Variants in DCUN1D5 observed in about 807,000 individuals in gnomAD.
DCUN1D5 encodes the protein defective in cullin neddylation 1 domain containing 5.
A neutral mutation model predicts 38.3 loss-of-function variants in DCUN1D5; 10 were observed. That is an observed-to-expected ratio of 0.26 (90% CI 0.16 to 0.44). The LOEUF is 0.44. DCUN1D5 is among the 20% of genes least tolerant of loss of function. The pLI is 1.00. For missense variants in DCUN1D5, 148 were observed against 275.3 expected (o/e 0.54, Z 3.27); for synonymous variants, 93 against 90.9 (o/e 1.02, Z -0.13).
rs544453020 is a variant in DCUN1D5, at chr11:103,060,649, A to G, written c.*1710T>C. On this transcript the variant is annotated 3_prime_UTR_variant, in exon 8 of 8. Transcript: ENST00000260247. ...CATCTATAAGCTTTAAGTGTTCCCT[A>G]TTTTACTCAAATACTGAAGATGAAA... 6.6e-6 allele frequency among the ~76,000 whole-genome samples: 1 copy of G among 152,254 alleles called. No homozygotes were observed. The highest frequency in any genetic ancestry group is 6.5e-5 in the Admixed American group (1 of 15,278).
Position 103,062,505 on chromosome 11 carries a change from G to T in DCUN1D5, c.659-91C>A. The stretch of plus-strand genomic sequence containing the variant: ...TCCCCACGAGCTCTGCAATGACAGA[G>T]GAATGACCCTTCCTTTCTTTGGGTG... On this transcript the variant is annotated intron_variant, in intron 7 of 7. Coordinates refer to ENST00000260247, the MANE Select transcript of DCUN1D5 (RefSeq NM_032299.4). This position sits in a 1 kb window ranked among gnomAD's most constrained non-coding sequence, Gnocchi z 4.6. 1 of 1,066,632 alleles carries T rather than the reference G, an allele frequency of 9.4e-7. No homozygotes were observed. 66.1% of individuals were successfully genotyped at this position (1,066,632 alleles called of 1,614,324 possible). A position where few individuals can be genotyped will look rare whatever the true frequency, so the allele number is the denominator to read the frequency against.
intron 2 of DCUN1D5, among the ~76,000 whole-genome samples, chr11:103,084,475 A>G (rs969454410): frequency 2.0e-5 from 3 of 152,200 alleles, no homozygotes; most frequent in African/African-American, 7.2e-5. Context: ...GTTAAGTGTT[A>G]TTAGGTTTAA....
In DCUN1D5 at chr11:103,059,355, C is replaced by T. The variant is rs920266719; in HGVS notation, c.*3004G>A. On this transcript the variant is annotated 3_prime_UTR_variant, in exon 8 of 8. Transcript: ENST00000260247. ...TCAGAATTTACTCCCACCCCGACCC[C>T]GAGTGATGGCATTCAATATTAAGAT... Among the ~76,000 whole-genome samples, 3 of 151,976 alleles carry T rather than the reference C, an allele frequency of 2.0e-5. No homozygotes were observed. The highest frequency in any genetic ancestry group is 4.8e-5 in the African/African-American group (2 of 41,362).
At position 103,054,537 on chromosome 11, in the gene DCUN1D5, A is replaced by C. The variant is rs185470582; in HGVS notation, c.*7822T>G. 6.6e-6 allele frequency: 1 copy of C among 152,290 alleles called. No individual in the cohort carries two copies. The highest frequency in any genetic ancestry group is 2.4e-5 in the African/African-American group (1 of 41,562). The allele number at this position is 152,290 out of a possible 1,614,324, so 9.4% of individuals were successfully genotyped here. On this transcript the variant is annotated 3_prime_UTR_variant, in exon 8 of 8. Transcript: ENST00000260247. The stretch of plus-strand genomic sequence containing the variant: ...TTAAATAGATACAGCACAAGATATT[A>C]AGTGCTGTAAGATGCTACAACAAAG...
chr11:103,075,230 C>T (rs76410457), intron 4 of DCUN1D5, among the ~76,000 whole-genome samples: 2,477 of 152,252 alleles, frequency 0.016, 70 homozygotes, highest in African/African-American at 0.057. Flanking sequence ...TCTCAACATG[C>T]ATGACATGTC....
At position 103,053,466 on chromosome 11, in the gene DCUN1D5, CT is replaced by C. The variant is rs1383599322; in HGVS notation, c.*8892del. The C allele has an allele frequency of 3.9e-5, 6 of 152,048 alleles. No homozygotes were observed. Among genetic ancestry groups the C allele is most frequent in the Non-Finnish European group, 7.4e-5 (5 of 67,962 alleles). 9.4% of individuals were successfully genotyped at this position (152,048 alleles called of 1,614,324 possible). On this transcript the variant is annotated 3_prime_UTR_variant, in exon 8 of 8. Coordinates refer to ENST00000260247, the MANE Select transcript of DCUN1D5 (RefSeq NM_032299.4). The surrounding 1 kb of genome is among the most constrained non-coding windows in gnomAD (Gnocchi z 4.8). ...GGATGACTGATCTATTAACACTAAA[CT>C]ATTGTACATTTCAAAATAGCTAAAG...
In DCUN1D5 at chr11:103,071,321, A is replaced by C. The variant is rs545955720; in HGVS notation, c.342-4754T>G. On this transcript the variant is annotated intron_variant, in intron 4 of 7. Coordinates refer to ENST00000260247, the MANE Select transcript of DCUN1D5 (RefSeq NM_032299.4). This position sits in a 1 kb window ranked among gnomAD's most constrained non-coding sequence, Gnocchi z 4.1. ...AAAAGAGAGAAGACAAAAATTACCC[A>C]TATCAGGAATGAAATGGGGTATTAT... is the stretch of plus-strand genomic sequence containing the variant. 6.6e-6 allele frequency among the ~76,000 whole-genome samples: 1 copy of C among 151,960 alleles called. No individual in the cohort carries two copies. The highest frequency in any genetic ancestry group is 6.6e-5 in the Admixed American group (1 of 15,244).
At chr11:103,090,736 C>G (rs1862838534) in intron 1 of DCUN1D5, among the ~76,000 whole-genome samples, 1 of 152,144 alleles carries the variant, frequency 6.6e-6, no homozygotes, top group African/African-American at 2.4e-5. Context: ...CATAGTGAAA[C>G]CCCGTCTCTA....
rs1862862358 is a variant in DCUN1D5, at chr11:103,091,457, G to T, written c.86+330C>A. On this transcript the variant is annotated intron_variant, in intron 1 of 7. Coordinates refer to ENST00000260247, the MANE Select transcript of DCUN1D5 (RefSeq NM_032299.4). The surrounding 1 kb of genome is among the most constrained non-coding windows in gnomAD (Gnocchi z 4.3). ...AAAAAGGCAGAGGAGCGATACGGGAGTAGGGGATCGAGGGTCGGTTGTGGG... is the reference window on the plus strand; with the variant it reads ...AAAAAGGCAGAGGAGCGATACGGGATTAGGGGATCGAGGGTCGGTTGTGGG... The T allele has an allele frequency of 9.0e-6, 3 of 334,904 alleles. No individual in the cohort carries two copies. The highest frequency in any genetic ancestry group is 1.7e-5 in the Non-Finnish European group (3 of 175,922). 20.7% of individuals were successfully genotyped at this position (334,904 alleles called of 1,614,324 possible). A position where few individuals can be genotyped will look rare whatever the true frequency, so the allele number is the denominator to read the frequency against.
At position 103,077,220 on chromosome 11, in the gene DCUN1D5, G is replaced by A. The variant is rs1862432832; in HGVS notation, c.341+5528C>T. On this transcript the variant is annotated intron_variant, in intron 4 of 7. Coordinates refer to ENST00000260247, the MANE Select transcript of DCUN1D5 (RefSeq NM_032299.4). The surrounding 1 kb of genome is among the most constrained non-coding windows in gnomAD (Gnocchi z 4.3). ...GTCTCAAATAAAAAAAAAAGAATAA[G>A]AGCACAAACCTCCATATTTATTAAC... 6.6e-6 allele frequency among the ~76,000 whole-genome samples: 1 copy of A among 151,768 alleles called. No individual in the cohort carries two copies.
In DCUN1D5 at chr11:103,066,553, T is replaced by A. The variant is rs1234230606; in HGVS notation, c.356A>T (p.Glu119Val). The A allele has an allele frequency of 6.2e-7, 1 of 1,604,258 alleles. No individual in the cohort carries two copies. Among genetic ancestry groups the A allele is most frequent in the East Asian group, 2.2e-5 (1 of 44,710 alleles). ...AAAGTCAAATTTGTTTTGTAACTTT[T>A]CTGTGCAGTCACACCTTAAATAAAA... is the stretch of plus-strand genomic sequence containing the variant. ...GMTSLQCDCT[E>V]KLQNKFDFLR... is the part of the protein sequence containing the mutation. Residue 119 changes from glutamate to valine, a missense_variant, in exon 5 of 8, where the codon GAA becomes GTA. Physicochemically the swap from Glu to Val is moderately radical, Grantham distance 121 (BLOSUM62 -2). Coordinates refer to ENST00000260247, the MANE Select transcript of DCUN1D5 (RefSeq NM_032299.4). This position sits in a 1 kb window ranked among gnomAD's most constrained non-coding sequence, Gnocchi z 4.7.
At position 103,062,904 on chromosome 11, in the gene DCUN1D5, A is replaced by G. The variant is rs1862047723; in HGVS notation, c.659-490T>C. ...ATATCTAATTAATGAGCTAAGTACT[A>G]TTCTAAAACATATATTTTTATAACG... is the stretch of plus-strand genomic sequence containing the variant. On this transcript the variant is annotated intron_variant, in intron 7 of 7. Transcript: ENST00000260247. The surrounding 1 kb of genome is among the most constrained non-coding windows in gnomAD (Gnocchi z 4.6). Among the ~76,000 whole-genome samples, 1 of 152,174 alleles carries G rather than the reference A, an allele frequency of 6.6e-6. No individual in the cohort carries two copies. The highest frequency in any genetic ancestry group is 2.4e-5 in the African/African-American group (1 of 41,468).
rs1862852872 is a variant in DCUN1D5 at position 103,091,109 on chromosome 11, T to A, written c.86+678A>T. On this transcript the variant is annotated intron_variant, in intron 1 of 7. Transcript: ENST00000260247. The surrounding 1 kb of genome is among the most constrained non-coding windows in gnomAD (Gnocchi z 4.3). ...AAGAGCTCACAAATTATTTAATTTA[T>A]GCTGAGAGCTAACAGCGTCCTGAAT... Among the ~76,000 whole-genome samples, 1 of 152,168 alleles carries A rather than the reference T, an allele frequency of 6.6e-6. No homozygotes were observed. The highest frequency in any genetic ancestry group is 6.5e-5 in the Admixed American group (1 of 15,282).
At position 103,083,226 on chromosome 11, in the gene DCUN1D5, T is replaced by C; in HGVS notation, c.249+30A>G. 3 of 1,138,152 alleles carry C rather than the reference T, an allele frequency of 2.6e-6. No individual in the cohort carries two copies. Among genetic ancestry groups the C allele is most frequent in the Non-Finnish European group, 4.0e-6 (3 of 749,656 alleles). 70.5% of individuals were successfully genotyped at this position (1,138,152 alleles called of 1,614,324 possible). On this transcript the variant is annotated intron_variant, in intron 3 of 7. Coordinates refer to ENST00000260247, the MANE Select transcript of DCUN1D5 (RefSeq NM_032299.4). The surrounding 1 kb of genome is among the most constrained non-coding windows in gnomAD (Gnocchi z 4.4). ...TTACGAATATGCTATACCCCACTTA[T>C]ATGCCATTCTACTTAGAAATAAAAC...
At chr11:103,090,360 T>C (rs1419321072) in intron 1 of DCUN1D5, among the ~76,000 whole-genome samples, 1 of 152,202 alleles carries the variant, frequency 6.6e-6, no homozygotes, top group Non-Finnish European at 1.5e-5. Flanking sequence ...ATCGTTCACA[T>C]TAATAGCCTA....
chr11:103,066,060 G>C lies in DCUN1D5; in HGVS notation c.555+209C>G, dbSNP rs1386389844. 6.6e-6 allele frequency among the ~76,000 whole-genome samples: 1 copy of C among 151,232 alleles called. No individual in the cohort carries two copies. The highest frequency in any genetic ancestry group is 1.5e-5 in the Non-Finnish European group (1 of 67,806). The stretch of plus-strand genomic sequence containing the variant: ...GGTTTCTTTTATTTGGGGGACTGGG[G>C]GGGTAGGATTGAAAATATCTTAGGT... On this transcript the variant is annotated intron_variant, in intron 6 of 7. Transcript: ENST00000260247. This position sits in a 1 kb window ranked among gnomAD's most constrained non-coding sequence, Gnocchi z 4.7.
At position 103,064,797 on chromosome 11, in the gene DCUN1D5, T is replaced by C. The variant is rs938439120; in HGVS notation, c.556-420A>G. Among the ~76,000 whole-genome samples, 3 of 152,208 alleles carry C rather than the reference T, an allele frequency of 2.0e-5. No homozygotes were observed. The highest frequency in any genetic ancestry group is 1.9e-4 in the East Asian group (1 of 5,192). On this transcript the variant is annotated intron_variant, in intron 6 of 7. Coordinates refer to ENST00000260247, the MANE Select transcript of DCUN1D5 (RefSeq NM_032299.4). The surrounding 1 kb of genome is among the most constrained non-coding windows in gnomAD (Gnocchi z 4.5). ...ATCTTTGGAAACAAGTGAAAGAGTA[T>C]AGGCTTCGATTTAAATCCCACCCTT...
In DCUN1D5 at chr11:103,060,633, G is replaced by C. The variant is rs769983050; in HGVS notation, c.*1726C>G. On this transcript the variant is annotated 3_prime_UTR_variant, in exon 8 of 8. Transcript: ENST00000260247. The stretch of plus-strand genomic sequence containing the variant: ...CTTTTAAAAAACATGTCATCTATAA[G>C]CTTTAAGTGTTCCCTATTTTACTCA... Among the ~76,000 whole-genome samples the C allele has an allele frequency of 6.6e-6, 1 of 152,060 alleles. No individual in the cohort carries two copies. The highest frequency in any genetic ancestry group is 2.1e-4 in the South Asian group (1 of 4,830).
Position 103,083,246 on chromosome 11 carries a change from T to C in DCUN1D5, c.249+10A>G, listed in dbSNP as rs776500553. The C allele has an allele frequency of 4.0e-6, 6 of 1,485,302 alleles. No individual in the cohort carries two copies. Among genetic ancestry groups the C allele is most frequent in the Non-Finnish European group, 5.6e-6 (6 of 1,064,390 alleles). The allele number at this position is 1,485,302 out of a possible 1,614,324, so 92.0% of individuals were successfully genotyped here. A position where few individuals can be genotyped will look rare whatever the true frequency, so the allele number is the denominator to read the frequency against. ...ACTTATATGCCATTCTACTTAGAAA[T>C]AAAACATACATTTTCAGGTTCAACA... On this transcript the variant is annotated intron_variant, in intron 3 of 7. Transcript: ENST00000260247. The surrounding 1 kb of genome is among the most constrained non-coding windows in gnomAD (Gnocchi z 4.4).
Sources: allele counts gnomAD v4.1 joint callset (sites outside exome capture counted in the v4.1 genomes callset), GRCh38; gene constraint gnomAD v4.1.1; non-coding constraint Gnocchi (gnomAD v3.1); transcripts MANE v1.5; gene names NCBI Gene and HGNC (gene_info 2026-07-23, HGNC 2026-07-21).